The following CHD8 variants were observed in gnomAD, a reference collection of about 807,000 sequenced individuals.
CHD8 encodes the protein chromodomain helicase DNA binding protein 8.
In CHD8, 31 loss-of-function variants were observed where a neutral mutation model predicts 279.2. The observed-to-expected ratio is 0.11, with a 90% CI of 0.08 to 0.15. The LOEUF is 0.15. Among genes scored for constraint, CHD8 ranks in the 10% least tolerant of loss-of-function variants. The pLI is 1.00. For synonymous variants in CHD8, 1,081 were observed against 1,139.6 expected (o/e 0.95, Z 1.04); for missense variants, 2,146 against 3,230.5 (o/e 0.66, Z 8.14).
At position 21,391,658 on chromosome 14, in the gene CHD8, C is replaced by T; in HGVS notation, c.6886-16G>A. The T allele has an allele frequency of 6.3e-7, 1 of 1,581,508 alleles. No individual in the cohort carries two copies. The highest frequency in any genetic ancestry group is 8.6e-7 in the Non-Finnish European group (1 of 1,163,404). On this transcript the variant is annotated splice_polypyrimidine_tract_variant and intron_variant, in intron 35 of 37. Coordinates refer to ENST00000646647, the MANE Select transcript of CHD8 (RefSeq NM_001170629.2). Reference sequence around the variant, plus strand: ...CCACCTCCAGCTGCAAACCCAGAATCCACCCCCATGAGCACATACTCTTCT... The same window carrying T: ...CCACCTCCAGCTGCAAACCCAGAATTCACCCCCATGAGCACATACTCTTCT...
intron 5 of CHD8, among the ~76,000 whole-genome samples, chr14:21,421,268 G>C (rs1889031884): frequency 6.6e-6 from 1 of 151,744 alleles, no homozygotes; most frequent in African/African-American, 2.4e-5. Flanking sequence ...TACACACACA[G>C]ACACACATAC....
rs1888074706 is a variant in CHD8, at chr14:21,402,362, T to A, written c.3856A>T (p.Ser1286Cys). ...GLDKAVLQSM[S>C]GRDGNITGIQ... ...CCAGTAATGTTGCCATCCCGACCAC[T>A]CATGGATTGAAGCACAGCCTTATCC... Residue 1286 changes from serine (S) to cysteine (C), a missense_variant, in exon 19 of 38, where the codon AGT becomes TGT. Physicochemically the swap from Ser to Cys is moderately radical, Grantham distance 112. This residue lies in a region of CHD8 where 35 missense variants were observed against 82.4 expected (regional missense o/e 0.42). Transcript: ENST00000646647. The surrounding 1 kb of genome is among the most constrained non-coding windows in gnomAD (Gnocchi z 4.5). The A allele has an allele frequency of 1.2e-6, 2 of 1,614,006 alleles. No homozygotes were observed. The highest frequency in any genetic ancestry group is 1.7e-6 in the Non-Finnish European group (2 of 1,179,900).
intron 1 of CHD8, among the ~76,000 whole-genome samples, chr14:21,435,825 C>T (rs1393465256): frequency 6.6e-6 from 1 of 152,124 alleles, no homozygotes; most frequent in Non-Finnish European, 1.5e-5. Flanking sequence ...CTGTAAAAGA[C>T]ACGTGAGGAG....
rs1179634390 is a variant in CHD8 at position 21,431,088 on chromosome 14, T to C, written c.556A>G (p.Thr186Ala). 1.9e-6 allele frequency: 3 copies of C among 1,599,146 alleles called. No individual in the cohort carries two copies. The African/African-American group carries it at 4.0e-5, about 21-fold the overall frequency. Residue 186 changes from threonine (T) to alanine (A), a missense_variant, in exon 2 of 38, where the codon ACA becomes GCA. Thr to Ala is a moderately conservative substitution (Grantham distance 58). Coordinates refer to ENST00000646647, the MANE Select transcript of CHD8 (RefSeq NM_001170629.2). Reference sequence around the variant, plus strand: ...GTGCCTGCCACCAGGGGCTGAGCTGTGCTGGTGATACCTTGGGCCTGAATT... The same window carrying C: ...GTGCCTGCCACCAGGGGCTGAGCTGCGCTGGTGATACCTTGGGCCTGAATT... ...AQIQAQGITS[T>A]AQPLVAGTAN...
At chr14:21,398,865 T>A (rs946531951) in intron 26 of CHD8, 14 of 248,118 alleles carry the variant, frequency 5.6e-5, no homozygotes, top group African/African-American at 3.0e-4. Context: ...ATGGGACATG[T>A]AGAAAAACAG....
At chr14:21,442,553 C>T (rs1238018402) in intron 1 of CHD8, among the ~76,000 whole-genome samples, 1 of 150,196 alleles carries the variant, frequency 6.7e-6, no homozygotes, top group Non-Finnish European at 1.5e-5. Flanking sequence ...GCAGGAGGAT[C>T]GCTTAAGGCT....
At chr14:21,404,460 G>A (rs556124605) in intron 16 of CHD8, among the ~76,000 whole-genome samples, 1 of 146,062 alleles carries the variant, frequency 6.8e-6, no homozygotes, top group Non-Finnish European at 1.5e-5. Flanking sequence ...AATACACTAA[G>A]TAAGGCAGGC....
chr14:21,446,396 C>T (rs1890122680), intron 1 of CHD8, among the ~76,000 whole-genome samples: 1 of 149,052 alleles, frequency 6.7e-6, no homozygotes, highest in African/African-American at 2.5e-5. Flanking sequence ...ACTGCAACCT[C>T]TGTCTCCCAG....
rs1351882154 is a variant in CHD8, at chr14:21,431,532, C to G, written c.112G>C (p.Gly38Arg). ...AAGGAGTCCAGAGAGCTTGGCAGTCCAAGGGCTTCCTCAATGGGGTCTTGT... is the reference window on the plus strand; with the variant it reads ...AAGGAGTCCAGAGAGCTTGGCAGTCGAAGGGCTTCCTCAATGGGGTCTTGT... ...VTQDPIEEAL[G>R]LPSSLDSLDQ... The change falls in exon 2 of 38, where the codon GGA becomes CGA. Residue 38 changes from glycine (G) to arginine (R), a missense_variant. By Grantham distance (125) the Gly-to-Arg change is moderately radical (BLOSUM62 -2). This residue lies in a region of CHD8 where 302 missense variants were observed against 325.5 expected (regional missense o/e 0.93). Coordinates refer to ENST00000646647, the MANE Select transcript of CHD8 (RefSeq NM_001170629.2). 6.5e-7 allele frequency: 1 copy of G among 1,537,088 alleles called. No homozygotes were observed. The highest frequency in any genetic ancestry group is 2.0e-5 in the Admixed American group (1 of 50,972).
rs113214324 is a variant in CHD8, at chr14:21,414,424, G to C, written c.2025-6C>G. On this transcript the variant is annotated splice_region_variant and splice_polypyrimidine_tract_variant and intron_variant, in intron 8 of 37. Transcript: ENST00000646647. ...ATTCACAATGCAGATAGGAGCTAAG[G>C]GGGATGGAAAAATCCAGTCATGGTG... The C allele has an allele frequency of 1.3e-5, 19 of 1,437,042 alleles. No individual in the cohort carries two copies. The African/African-American group carries it at 2.5e-4, about 19-fold the overall frequency. The allele number at this position is 1,437,042 out of a possible 1,614,324, so 89.0% of individuals were successfully genotyped here.
rs1555318743 is a variant in CHD8, at chr14:21,431,556, G to A, written c.88C>T (p.Gln30Ter). The A allele has an allele frequency of 6.5e-7, 1 of 1,537,208 alleles. No homozygotes were observed. Among genetic ancestry groups the A allele is most frequent in the Non-Finnish European group, 8.7e-7 (1 of 1,146,892 alleles). The change falls in exon 2 of 38, where the codon CAA (glutamine) becomes TAA (stop). Residue 30 changes from glutamine (Q) to a stop codon, truncating the protein, a stop_gained. Transcript: ENST00000646647. LOFTEE classifies it high-confidence loss of function. The stretch of plus-strand genomic sequence containing the variant: ...CCAAGGGCTTCCTCAATGGGGTCTT[G>A]TGTGACCTGGTTAAAGCTGTCATCA... ...LTDDSFNQVT[Q>*]DPIEEALGLP...
At chr14:21,427,142 A>G (rs186127794) in intron 4 of CHD8, 19 of 153,186 alleles carry the variant, frequency 1.2e-4, no homozygotes, top group Admixed American at 8.5e-4. Context: ...AGAAAAAAGA[A>G]AGGCCTTATT....
At chr14:21,394,604 G>GGA in intron 30 of CHD8, 119 bp from the exon 31 acceptor site, 1 of 29,586 alleles carries the variant, frequency 3.4e-5, no homozygotes, top group East Asian at 4.9e-4. Context: ...GAAAGTAGAC[G>GGA]CAAAAAAAAA....
chr14:21,410,242 A>G (rs1387689111), intron 10 of CHD8, among the ~76,000 whole-genome samples: 1 of 152,106 alleles, frequency 6.6e-6, no homozygotes. Context: ...CACACTAAGC[A>G]CTAAAACATG....
rs147815177 is a variant in CHD8, at chr14:21,412,542, C to T, written c.2226+371G>A. Among the ~76,000 whole-genome samples the T allele has an allele frequency of 8.5e-5, 13 of 152,118 alleles. No homozygotes were observed. In the East Asian group the frequency reaches 1.7e-3, roughly 20 times the overall value. On this transcript the variant is annotated intron_variant, in intron 10 of 37. Coordinates refer to ENST00000646647, the MANE Select transcript of CHD8 (RefSeq NM_001170629.2). ...AACATGATTTGTAGAAAGCTAGGAG[C>T]GAGCCTGTAGAAGTATTTTTATATT... is the stretch of plus-strand genomic sequence containing the variant.
At chr14:21,453,043 C>T (rs560647803) in intron 1 of CHD8, among the ~76,000 whole-genome samples, 6 of 151,260 alleles carry the variant, frequency 4.0e-5, no homozygotes, top group African/African-American at 9.8e-5. Context: ...GTGTGGTGGC[C>T]CACACCTGTA....
chr14:21,415,267 C>A lies in CHD8; in HGVS notation c.1969-274G>T, dbSNP rs1888662882. ...TCCTCCATCATCTCTCACAACTACA[C>A]CTTAGCAATATATCTGACATCCAAA... On this transcript the variant is annotated intron_variant, in intron 7 of 37. Coordinates refer to ENST00000646647, the MANE Select transcript of CHD8 (RefSeq NM_001170629.2). 4 of 421,378 alleles carry A rather than the reference C, an allele frequency of 9.5e-6. No individual in the cohort carries two copies. The East Asian group carries it at 1.7e-4, about 18-fold the overall frequency. The allele number at this position is 421,378 out of a possible 1,614,324, so 26.1% of individuals were successfully genotyped here. A position where few individuals can be genotyped will look rare whatever the true frequency, so the allele number is the denominator to read the frequency against.
intron 1 of CHD8, among the ~76,000 whole-genome samples, chr14:21,445,976 G>T (rs1407308323): frequency 6.6e-6 from 1 of 152,012 alleles, no homozygotes; most frequent in East Asian, 1.9e-4. Context: ...CTCCAGCCTG[G>T]CGACAGAGCG....
chr14:21,440,530 G>T (rs1374632710), intron 1 of CHD8, among the ~76,000 whole-genome samples: 1 of 152,130 alleles, frequency 6.6e-6, no homozygotes, highest in Non-Finnish European at 1.5e-5. Context: ...CTTAAACAAT[G>T]AGGAAAAGTT....
Sources: gnomAD v4.1 joint callset for allele counts (sites outside exome capture counted in the v4.1 genomes callset) on GRCh38, gnomAD v4.1.1 for gene constraint, gnomAD v4.1.1 regional missense constraint, Gnocchi (gnomAD v3.1) non-coding constraint, MANE v1.5 for transcripts, NCBI Gene and HGNC (gene_info 2026-07-23, HGNC 2026-07-21) for gene names.